SLC4A4: variants seen among roughly 807,000 people sequenced by gnomAD.
SLC4A4 encodes electrogenic sodium bicarbonate cotransporter 1.
SLC4A4 carries 27 observed loss-of-function variants against 111.5 expected under a neutral mutation model. The observed-to-expected ratio is 0.24, with a 90% CI of 0.18 to 0.33. SLC4A4 has a LOEUF of 0.33. Ranked by LOEUF, SLC4A4 falls within the 10% of genes least tolerant of loss-of-function variation. SLC4A4 has a pLI of 1.00. For synonymous variants in SLC4A4, 443 were observed against 463.4 expected, an observed-to-expected ratio of 0.96 and a Z score of 0.57; for missense variants, 909 against 1,315.5, an observed-to-expected ratio of 0.69 and a Z score of 4.78.
At chr4:71,106,727 A>G (rs1742933127) in intron 2 of SLC4A4, among the ~76,000 whole-genome samples, 1 of 138,282 alleles carries the variant, frequency 7.2e-6, no homozygotes, top group South Asian at 2.4e-4. Context: ...GAACAATGAG[A>G]TCACATGGAC....
chr4:71,387,477 T>G (rs980846869), intron 6 of SLC4A4, among the ~76,000 whole-genome samples: 2 of 152,176 alleles, frequency 1.3e-5, no homozygotes, highest in African/African-American at 4.8e-5. Context: ...TTTGAAGTGG[T>G]ACCCTACTTC....
chr4:71,457,261 AT>A (rs1336520956), intron 12 of SLC4A4, among the ~76,000 whole-genome samples: 1 of 152,186 alleles, frequency 6.6e-6, no homozygotes, highest in Non-Finnish European at 1.5e-5. Flanking sequence ...TATGTTCAAA[AT>A]AGAACAGTTG....
At chr4:71,294,702 A>G (rs1484062239) in intron 3 of SLC4A4, among the ~76,000 whole-genome samples, 1 of 152,242 alleles carries the variant, frequency 6.6e-6, no homozygotes, top group Non-Finnish European at 1.5e-5. Flanking sequence ...GACCAAAGAC[A>G]GGGACAACCC....
In SLC4A4 at chr4:71,571,855, G is replaced by A. The variant is rs1737950502; in HGVS notation, c.*4104G>A. ...GATGCATCTTTTTATTTTAAATGAA[G>A]TAGATCAACATGGTGGAACAAAATG... On this transcript the variant is annotated 3_prime_UTR_variant, in exon 26 of 26. Transcript: ENST00000264485. 1 of 152,134 alleles carries A rather than the reference G, an allele frequency of 6.6e-6. No individual in the cohort carries two copies. The highest frequency in any genetic ancestry group is 2.1e-4 in the South Asian group (1 of 4,826). 9.4% of individuals were successfully genotyped at this position (152,134 alleles called of 1,614,324 possible). A position where few individuals can be genotyped will look rare whatever the true frequency, so the allele number is the denominator to read the frequency against.
chr4:71,353,273 G>A (rs1049151016), intron 5 of SLC4A4, among the ~76,000 whole-genome samples: 2 of 152,116 alleles, frequency 1.3e-5, no homozygotes, highest in Admixed American at 6.6e-5. Context: ...TCACTTTGAG[G>A]TATCATCACT....
chr4:71,340,709 C>T (rs182781933), intron 4 of SLC4A4, among the ~76,000 whole-genome samples: 1 of 152,192 alleles, frequency 6.6e-6, no homozygotes, highest in Non-Finnish European at 1.5e-5. Context: ...AGTGACAAGA[C>T]ACTCGATTTC....
At position 71,084,753 on chromosome 4, in the gene SLC4A4, C is replaced by T. The variant is rs901857595; in HGVS notation, c.-64-7977C>T. Among the ~76,000 whole-genome samples the T allele has an allele frequency of 6.2e-4, 95 of 152,084 alleles. 1 individual carries two copies. The highest frequency in any genetic ancestry group is 7.8e-4 in the Admixed American group (12 of 15,292). ...ACGAACTCACCTTTTTTTATGGCTG[C>T]GTAGTATTCCATGGTGTATATGTGC... is the stretch of plus-strand genomic sequence containing the variant. On this transcript the variant is annotated intron_variant, in intron 1 of 26. Coordinates refer to the SLC4A4 transcript ENST00000649996.
intron 3 of SLC4A4, among the ~76,000 whole-genome samples, chr4:71,292,121 C>T (rs185240810): frequency 1.2e-4 from 18 of 152,226 alleles, no homozygotes; most frequent in Admixed American, 2.6e-4. Context: ...AATTTATCTT[C>T]GATTCAACTA....
rs1742100601 is a variant in SLC4A4 at position 71,084,583 on chromosome 4, T to C, written c.-64-8147T>C. Among the ~76,000 whole-genome samples the C allele has an allele frequency of 2.0e-5, 3 of 151,832 alleles. No individual in the cohort carries two copies. The South Asian group carries it at 6.2e-4, about 31-fold the overall frequency. On this transcript the variant is annotated intron_variant, in intron 1 of 26. Coordinates refer to the SLC4A4 transcript ENST00000649996. ...CCCCACTGCACAACAGGCCCCGGTG[T>C]GTGATGTTCCCCTTCCTGTGTCCAT...
intron 7 of SLC4A4, among the ~76,000 whole-genome samples, chr4:71,398,243 C>T (rs1391202490): frequency 1.3e-5 from 2 of 150,890 alleles, no homozygotes; most frequent in Non-Finnish European, 2.9e-5. Flanking sequence ...TGAGATCGCA[C>T]CACTGTGCTC....
chr4:71,241,264 T>TA (rs1720196322), intron 2 of SLC4A4, among the ~76,000 whole-genome samples: 1 of 152,174 alleles, frequency 6.6e-6, no homozygotes, highest in South Asian at 2.1e-4. Flanking sequence ...TTATATCATT[T>TA]ATATATTTAT....
At chr4:71,286,778 A>G (rs946075981) in intron 3 of SLC4A4, among the ~76,000 whole-genome samples, 1 of 152,150 alleles carries the variant, frequency 6.6e-6, no homozygotes, top group African/African-American at 2.4e-5. Context: ...TGTTACTCTA[A>G]CCTTTATTGT....
chr4:71,234,960 AAAGG>A (rs1482765864), intron 1 of SLC4A4, among the ~76,000 whole-genome samples: 1 of 152,078 alleles, frequency 6.6e-6, no homozygotes, highest in Non-Finnish European at 1.5e-5. Context: ...GTCAGGGTGA[AAAGG>A]AAGGAAGCAG....
At chr4:71,464,375 T>C (rs1236717321) in intron 12 of SLC4A4, among the ~76,000 whole-genome samples, 1 of 152,196 alleles carries the variant, frequency 6.6e-6, no homozygotes, top group East Asian at 1.9e-4. Flanking sequence ...AACCTTTTTC[T>C]GTCTTCTCTG....
intron 7 of SLC4A4, among the ~76,000 whole-genome samples, chr4:71,431,574 T>C (rs1166897171): frequency 6.6e-6 from 1 of 152,168 alleles, no homozygotes; most frequent in African/African-American, 2.4e-5. Flanking sequence ...TTTTATGGTC[T>C]TCTGGTCTGA....
At position 71,139,286 on chromosome 4, in the gene SLC4A4, C is replaced by T. The variant is rs1468441301; in HGVS notation, c.-2+46494C>T. ...GACTTTTGGTGTGAATTGGCCGCCT[C>T]CTGTGGATGAGGCTGAAATCCTCCA... is the stretch of plus-strand genomic sequence containing the variant. On this transcript the variant is annotated intron_variant, in intron 2 of 26. Transcript: ENST00000649996. 2.0e-5 allele frequency among the ~76,000 whole-genome samples: 3 copies of T among 151,588 alleles called. No homozygotes were observed. The East Asian group carries it at 5.8e-4, about 29-fold the overall frequency.
chr4:71,472,609 G>A (rs771506541), intron 13 of SLC4A4, 90 bp from the exon 14 acceptor site: 56 of 1,351,734 alleles, frequency 4.1e-5, no homozygotes, highest in Non-Finnish European at 5.5e-5. Flanking sequence ...TTGTATTTTT[G>A]TCAATCTTTC....
At chr4:71,244,819 C>T (rs1720525057) in intron 2 of SLC4A4, among the ~76,000 whole-genome samples, 1 of 149,736 alleles carries the variant, frequency 6.7e-6, no homozygotes, top group African/African-American at 2.5e-5. Context: ...AGAACAGTTG[C>T]AGGTGTGACC....
At position 71,570,369 on chromosome 4, in the gene SLC4A4, C is replaced by A. The variant is rs904054022; in HGVS notation, c.*2618C>A. 1 of 152,210 alleles carries A rather than the reference C, an allele frequency of 6.6e-6. No homozygotes were observed. The highest frequency in any genetic ancestry group is 1.9e-4 in the East Asian group (1 of 5,146). The allele number at this position is 152,210 out of a possible 1,614,324, so 9.4% of individuals were successfully genotyped here. A position where few individuals can be genotyped will look rare whatever the true frequency, so the allele number is the denominator to read the frequency against. On this transcript the variant is annotated 3_prime_UTR_variant, in exon 26 of 26. Coordinates refer to ENST00000264485, the MANE Select transcript of SLC4A4 (RefSeq NM_001098484.3). Reference sequence around the variant, plus strand: ...GTTAATATCAAATCCTTTCAATATTCTGGGAACCCAGGGAAGTTTTTAAAA... The same window carrying A: ...GTTAATATCAAATCCTTTCAATATTATGGGAACCCAGGGAAGTTTTTAAAA...
Sources: allele counts gnomAD v4.1 joint callset (sites outside exome capture counted in the v4.1 genomes callset), GRCh38; gene constraint gnomAD v4.1.1; transcripts MANE v1.5; gene names NCBI Gene and HGNC (gene_info 2026-07-23, HGNC 2026-07-21).